NDST2: variants seen among roughly 807,000 people sequenced by gnomAD.
NDST2 encodes the protein N-deacetylase and N-sulfotransferase 2.
In NDST2, 32 loss-of-function variants were observed where a neutral mutation model predicts 86.9. The observed-to-expected ratio is 0.37, with a 90% CI of 0.28 to 0.49. NDST2 has a LOEUF of 0.49. Among genes scored for constraint, NDST2 ranks in the 20% least tolerant of loss-of-function variants. The pLI is 0.97. For missense variants in NDST2, 950 were observed against 1,146.9 expected (o/e 0.83, Z 2.48); for synonymous variants, 409 against 437.0 (o/e 0.94, Z 0.80).
rs1476429369 is a variant in NDST2, at chr10:73,806,424, C to T, written c.1299G>A (p.Ser433=). ...DLGYAVAPHH[S]GVYPIHTQLY... ...GCTGCGTGTGGATGGGGTACACACCCGAGTGGTGGGGGGCCACAGCATACC... is the reference window on the plus strand; with the variant it reads ...GCTGCGTGTGGATGGGGTACACACCTGAGTGGTGGGGGGCCACAGCATACC... Residue 433 remains serine (S), a synonymous_variant, in exon 6 of 15, where the codon TCG becomes TCA. Transcript: ENST00000309979. The surrounding 1 kb of genome is among the most constrained non-coding windows in gnomAD (Gnocchi z 4.5). The T allele has an allele frequency of 2.5e-6, 4 of 1,611,750 alleles. No homozygotes were observed. Among genetic ancestry groups the T allele is most frequent in the East Asian group, 2.2e-5 (1 of 44,838 alleles).
At chr10:73,803,513 T>TCACTGTC (rs2084042106) in intron 11 of NDST2, 61 bp downstream of exon 11, 2 of 1,326,630 alleles carry the variant, frequency 1.5e-6, no homozygotes, top group Non-Finnish European at 2.2e-6. Context: ...TCTCTAGCAG[T>TCACTGTC]CACTGTCCCC....
At position 73,806,391 on chromosome 10, in the gene NDST2, C is replaced by T; in HGVS notation, c.1332G>A (p.Glu444=). ...GGATGCCCCACACGGATTTCCAGGC[C>T]TCATAGAGCTGCGTGTGGATGGGGT... ...GVYPIHTQLY[E]AWKSVWGIQV... is the part of the protein sequence containing the mutation. The change falls in exon 6 of 15, where the codon GAG becomes GAA. Residue 444 remains glutamate (E), a synonymous_variant. Transcript: ENST00000309979. This position sits in a 1 kb window ranked among gnomAD's most constrained non-coding sequence, Gnocchi z 4.5. 6.2e-7 allele frequency: 1 copy of T among 1,614,096 alleles called. No individual in the cohort carries two copies. Among genetic ancestry groups the T allele is most frequent in the Non-Finnish European group, 8.5e-7 (1 of 1,179,992 alleles).
chr10:73,806,418 C>T lies in NDST2; in HGVS notation c.1305G>A (p.Val435=). ...GYAVAPHHSG[V]YPIHTQLYEA... is the part of the protein sequence containing the mutation. ...CATAGAGCTGCGTGTGGATGGGGTA[C>T]ACACCCGAGTGGTGGGGGGCCACAG... The change falls in exon 6 of 15, where the codon GTG becomes GTA. Residue 435 remains valine, a synonymous_variant. Coordinates refer to ENST00000309979, the MANE Select transcript of NDST2 (RefSeq NM_003635.4). The surrounding 1 kb of genome is among the most constrained non-coding windows in gnomAD (Gnocchi z 4.5). 6.2e-7 allele frequency: 1 copy of T among 1,613,074 alleles called. No individual in the cohort carries two copies. The highest frequency in any genetic ancestry group is 8.5e-7 in the Non-Finnish European group (1 of 1,179,324).
chr10:73,808,385 G>A lies in NDST2; in HGVS notation c.4C>T (p.Leu2Phe). 1 of 1,589,756 alleles carries A rather than the reference G, an allele frequency of 6.3e-7. No homozygotes were observed. Among genetic ancestry groups the A allele is most frequent in the East Asian group, 2.3e-5 (1 of 43,832 alleles). The change falls in exon 3 of 15, where the codon CTC becomes TTC. Residue 2 changes from leucine (L) to phenylalanine (F), a missense_variant. Physicochemically the swap from Leu to Phe is conservative, Grantham distance 22 (BLOSUM62 0). Coordinates refer to ENST00000309979, the MANE Select transcript of NDST2 (RefSeq NM_003635.4). This position sits in a 1 kb window ranked among gnomAD's most constrained non-coding sequence, Gnocchi z 4.3. M[L>F]QLWKVVRPAR... is the part of the protein sequence containing the mutation. ...GGGCGTACCACCTTCCACAACTGGA[G>A]CATGGCGGGGGGAGGAAGGGAGGGA...
chr10:73,810,916 G>C lies in NDST2; in HGVS notation c.-446-13C>G, dbSNP rs796140021. On this transcript the variant is annotated splice_polypyrimidine_tract_variant and intron_variant, in intron 1 of 14. Transcript: ENST00000309979. ...TTTAGCTTCATACCTGGAAGAAGCA[G>C]CAAGGTTTAGGGAAGGGGCGCCGGG... 1 of 399,022 alleles carries C rather than the reference G, an allele frequency of 2.5e-6. No homozygotes were observed. Among genetic ancestry groups the C allele is most frequent in the African/African-American group, 2.1e-5 (1 of 48,666 alleles). The allele number at this position is 399,022 out of a possible 1,614,324, so 24.7% of individuals were successfully genotyped here.
At position 73,803,574 on chromosome 10, in the gene NDST2, C is replaced by T; in HGVS notation, c.2142G>A (p.Gln714=). The change falls in exon 11 of 15, where the codon CAG becomes CAA. Residue 714 remains glutamine (Q), a splice_region_variant and synonymous_variant. Transcript: ENST00000309979. ...NPADRAYSWY[Q]HQRAHGDPVA... The stretch of plus-strand genomic sequence containing the variant: ...TGTGTGTCCCTAGCTTCAGGCAGAC[C>T]TGGTACCAGGAGTAGGCCCTGTCAG... 6.2e-7 allele frequency: 1 copy of T among 1,604,076 alleles called. No homozygotes were observed. The highest frequency in any genetic ancestry group is 8.5e-7 in the Non-Finnish European group (1 of 1,174,634).
chr10:73,809,725 A>C (rs1241341604), intron 2 of NDST2, among the ~76,000 whole-genome samples: 1 of 152,142 alleles, frequency 6.6e-6, no homozygotes, highest in Non-Finnish European at 1.5e-5. Context: ...AGGAGGTCTA[A>C]TTTTGGGGAT....
intron 9 of NDST2, among the ~76,000 whole-genome samples, chr10:73,804,428 G>A (rs2084062933): frequency 6.6e-6 from 1 of 152,272 alleles, no homozygotes; most frequent in South Asian, 2.1e-4. Context: ...ATCACTTGAG[G>A]TCAAGAGTTC....
At position 73,807,059 on chromosome 10, in the gene NDST2, G is replaced by C. The variant is rs771075631; in HGVS notation, c.1093+49C>G. Reference sequence around the variant, plus strand: ...TCTGCCCAGGGAGGTGGACAGTGAAGGGACAGGTCAAACTATGATATGCCA... The same window carrying C: ...TCTGCCCAGGGAGGTGGACAGTGAACGGACAGGTCAAACTATGATATGCCA... On this transcript the variant is annotated intron_variant, in intron 4 of 14. Coordinates refer to ENST00000309979, the MANE Select transcript of NDST2 (RefSeq NM_003635.4). The C allele has an allele frequency of 4.5e-6, 7 of 1,552,404 alleles. No homozygotes were observed. The South Asian group carries it at 7.8e-5, about 17-fold the overall frequency.
chr10:73,808,168 G>T lies in NDST2; in HGVS notation c.221C>A (p.Pro74His). 6.2e-7 allele frequency: 1 copy of T among 1,614,214 alleles called. No individual in the cohort carries two copies. Among genetic ancestry groups the T allele is most frequent in the Non-Finnish European group, 8.5e-7 (1 of 1,180,026 alleles). ...TCGAGCTGTCTCTGGAGGCCTGGGG[G>T]GCCGAGGTGGAACTGGAGGCCGTGC... ...GPARPPVPPR[P>H]PRPPETARTE... Residue 74 changes from proline to histidine, a missense_variant, in exon 3 of 15, where the codon CCC becomes CAC. By Grantham distance (77) the Pro-to-His change is moderately conservative. Around this residue, in one of 5 missense-constraint regions of NDST2, gnomAD observed 586 missense variants for 714.0 expected, o/e 0.82. Coordinates refer to ENST00000309979, the MANE Select transcript of NDST2 (RefSeq NM_003635.4). The surrounding 1 kb of genome is among the most constrained non-coding windows in gnomAD (Gnocchi z 4.3).
intron 8 of NDST2, 83 bp from the exon 9 acceptor site, chr10:73,804,952 A>G (rs1589611627): frequency 2.8e-6 from 2 of 719,946 alleles, no homozygotes; most frequent in East Asian, 3.0e-5. Context: ...CCCAGGCTGG[A>G]GTGCAATGCA....
intron 2 of NDST2, chr10:73,809,137 C>T (rs1589617226): frequency 1.3e-5 from 2 of 152,204 alleles, no homozygotes; most frequent in African/African-American, 2.4e-5. Context: ...GAGGAAGGGA[C>T]GGAAAGCCCC....
At position 73,807,573 on chromosome 10, in the gene NDST2, A is replaced by G. The variant is rs201994625; in HGVS notation, c.816T>C (p.His272=). Residue 272 remains histidine, a synonymous_variant, in exon 3 of 15, where the codon CAT becomes CAC. Transcript: ENST00000309979. ...LPTVVQDLGL[H]DGIQRVLFGH... is the part of the protein sequence containing the mutation. ...CAAAGAGCACCCGCTGGATGCCATC[A>G]TGAAGCCCCAGGTCCTGTACCACAG... 2 of 1,614,232 alleles carry G rather than the reference A, an allele frequency of 1.2e-6. No individual in the cohort carries two copies. Among genetic ancestry groups the G allele is most frequent in the South Asian group, 1.1e-5 (1 of 91,086 alleles).
chr10:73,811,805 T>C (rs1433625889), upstream of NDST2: 3 of 152,078 alleles, frequency 2.0e-5, no homozygotes. Context: ...CCCCCTCCTC[T>C]CCGCGCGATG....
At chr10:73,810,655 G>A (rs1409907914) in intron 2 of NDST2, 144 bp downstream of exon 2, 3 of 390,638 alleles carry the variant, frequency 7.7e-6, no homozygotes, top group Admixed American at 8.9e-5. Context: ...GTATCATCCC[G>A]TATTTGAGAA....
rs757163423 is a variant in NDST2, at chr10:73,808,150, G to A, written c.239C>T (p.Thr80Ile). 1.2e-6 allele frequency: 2 copies of A among 1,614,264 alleles called. No individual in the cohort carries two copies. The highest frequency in any genetic ancestry group is 1.7e-6 in the Non-Finnish European group (2 of 1,180,042). ...AAGGACCACGGGTTCAGTTCGAGCT[G>A]TCTCTGGAGGCCTGGGGGGCCGAGG... ...VPPRPPRPPE[T>I]ARTEPVVLVF... is the part of the protein sequence containing the mutation. The change falls in exon 3 of 15, where the codon ACA (threonine) becomes ATA (isoleucine). Residue 80 changes from threonine to isoleucine, a missense_variant. Physicochemically the swap from Thr to Ile is moderately conservative, Grantham distance 89. Transcript: ENST00000309979. This position sits in a 1 kb window ranked among gnomAD's most constrained non-coding sequence, Gnocchi z 4.3.
chr10:73,803,519 T>TGGGCGG, intron 11 of NDST2, 55 bp downstream of exon 11: 1 of 565,896 alleles, frequency 1.8e-6, no homozygotes, highest in Non-Finnish European at 3.4e-6. Flanking sequence ...GCAGTCACTG[T>TGGGCGG]CCCCTCCCCC....
In NDST2 at chr10:73,807,849, C is replaced by T. The variant is rs199622681; in HGVS notation, c.540G>A (p.Leu180=). The change falls in exon 3 of 15, where the codon CTG becomes CTA. Residue 180 remains leucine (L), a synonymous_variant. Coordinates refer to ENST00000309979, the MANE Select transcript of NDST2 (RefSeq NM_003635.4). ...GGGGAAAGCCCTTGAGCTGGGCGCT[C>T]AGTAGGCTGTGCTCGTGGGCTCGGA... ...GFFRAHEHSL[L]SAQLKGFPLF... 25 of 1,613,842 alleles carry T rather than the reference C, an allele frequency of 1.5e-5. No homozygotes were observed. The highest frequency in any genetic ancestry group is 4.0e-5 in the African/African-American group (3 of 74,934).
In NDST2 at chr10:73,806,420, C is replaced by A. The variant is rs2084103745; in HGVS notation, c.1303G>T (p.Val435Leu). 6.2e-7 allele frequency: 1 copy of A among 1,612,582 alleles called. No individual in the cohort carries two copies. Among genetic ancestry groups the A allele is most frequent in the Non-Finnish European group, 8.5e-7 (1 of 1,179,060 alleles). The change falls in exon 6 of 15, where the codon GTG becomes TTG. Residue 435 changes from valine to leucine, a missense_variant. Physicochemically the swap from Val to Leu is conservative, Grantham distance 32 (BLOSUM62 1). Transcript: ENST00000309979. The surrounding 1 kb of genome is among the most constrained non-coding windows in gnomAD (Gnocchi z 4.5). ...GYAVAPHHSG[V>L]YPIHTQLYEA... ...TAGAGCTGCGTGTGGATGGGGTACACACCCGAGTGGTGGGGGGCCACAGCA... is the reference window on the plus strand; with the variant it reads ...TAGAGCTGCGTGTGGATGGGGTACAAACCCGAGTGGTGGGGGGCCACAGCA...
Sources: allele counts gnomAD v4.1 joint callset (sites outside exome capture counted in the v4.1 genomes callset), GRCh38; gene constraint gnomAD v4.1.1; regional missense constraint gnomAD v4.1.1; non-coding constraint Gnocchi (gnomAD v3.1); transcripts MANE v1.5; gene names NCBI Gene and HGNC (gene_info 2026-07-23, HGNC 2026-07-21).